The following MRPS21 variants were observed in gnomAD, a reference collection of about 807,000 sequenced individuals.
The protein encoded by MRPS21 is mitochondrial ribosomal protein S21, also known as small ribosomal subunit protein bS21m.
A neutral mutation model predicts 9.9 loss-of-function variants in MRPS21; 8 were observed. The observed-to-expected ratio is 0.81, with a 90% CI of 0.47 to 1.45. MRPS21 has a LOEUF of 1.45. MRPS21 is among the 40% of genes most tolerant of loss of function. The pLI is 0.00. For missense variants in MRPS21, 101 were observed against 118.9 expected (o/e 0.85, Z 0.70); for synonymous variants, 40 against 40.3 (o/e 0.99, Z 0.03).
intron 1 of MRPS21, 174 bp from the exon 2 acceptor site, chr1:150,294,161 T>G: frequency 1.9e-6 from 1 of 515,602 alleles, no homozygotes; most frequent in Non-Finnish European, 3.6e-6. Flanking sequence ...GGACTGGCAG[T>G]GAGAATAAGA....
intron 2 of MRPS21, among the ~76,000 whole-genome samples, chr1:150,300,122 C>T (rs1553857386): frequency 6.6e-6 from 1 of 151,880 alleles, no homozygotes; most frequent in Non-Finnish European, 1.5e-5. Context: ...GGGGGCGGAT[C>T]ATTTGAGGTT....
chr1:150,299,580 G>A lies in MRPS21; in HGVS notation c.83+5131G>A, dbSNP rs587612464. 7.2e-5 allele frequency among the ~76,000 whole-genome samples: 11 copies of A among 152,056 alleles called. No individual in the cohort carries two copies. In the South Asian group the frequency reaches 2.1e-3, roughly 29 times the overall value. The stretch of plus-strand genomic sequence containing the variant: ...AGTGATTCTCCTGCCTCAGCCCCCC[G>A]TGTAGCTGGGATTACAGGCACTTGC... On this transcript the variant is annotated intron_variant, in intron 2 of 2. Transcript: ENST00000614145.
intron 2 of MRPS21, among the ~76,000 whole-genome samples, chr1:150,300,936 C>T (rs1382818058): frequency 6.6e-6 from 1 of 150,616 alleles, no homozygotes; most frequent in African/African-American, 2.4e-5. Flanking sequence ...GGTGGCTCAC[C>T]CCTGTAAGCT....
chr1:150,304,755 C>CAAA (rs143084308), intron 2 of MRPS21: 13,634 of 129,276 alleles, frequency 0.11, 1,020 homozygotes, highest in African/African-American at 0.14. Flanking sequence ...GACTCTGTCT[C>CAAA]AAAAAAAAAA....
At chr1:150,298,267 C>G (rs1020011374) in intron 2 of MRPS21, among the ~76,000 whole-genome samples, 10 of 152,124 alleles carry the variant, frequency 6.6e-5, no homozygotes, top group African/African-American at 2.4e-4. Flanking sequence ...CATCCAGACC[C>G]TGCAGTGAGT....
At chr1:150,296,209 A>G (rs1244036125) in intron 2 of MRPS21, among the ~76,000 whole-genome samples, 1 of 152,102 alleles carries the variant, frequency 6.6e-6, no homozygotes, top group Non-Finnish European at 1.5e-5. Flanking sequence ...TGGCCTCCCA[A>G]AGTGCTGGGA....
chr1:150,303,926 G>C (rs1654229738), intron 2 of MRPS21: 1 of 455,926 alleles, frequency 2.2e-6, no homozygotes, highest in Non-Finnish European at 4.4e-6. Context: ...TATTTTGTTA[G>C]GTGCAAAAGT....
intron 2 of MRPS21, among the ~76,000 whole-genome samples, chr1:150,305,344 T>C (rs1654291945): frequency 6.6e-6 from 1 of 152,090 alleles, no homozygotes; most frequent in Non-Finnish European, 1.5e-5. Context: ...CAGCCAGCAA[T>C]CCCTGTTTTA....
intron 2 of MRPS21, among the ~76,000 whole-genome samples, chr1:150,306,319 C>T (rs934610139): frequency 3.3e-5 from 5 of 151,862 alleles, no homozygotes; most frequent in Admixed American, 2.0e-4. Context: ...AGTCTGTTGC[C>T]CAGGCTGGAG....
Position 150,307,348 on chromosome 1 carries a change from C to CTTTTTTTTTTTTTTTTTTTTTT in MRPS21, c.84-699_84-678dup, listed in dbSNP as rs1572154026. Among the ~76,000 whole-genome samples the CTTTTTTTTTTTTTTTTTTTTTT allele has an allele frequency of 3.4e-5, 3 of 87,552 alleles. 1 individual carries two copies. Among genetic ancestry groups the CTTTTTTTTTTTTTTTTTTTTTT allele is most frequent in the African/African-American group, 8.9e-5 (2 of 22,528 alleles). 57.4% of individuals were successfully genotyped at this position (87,552 alleles called of 152,430 possible). ...CAGGCATGAGTCACTGTGCCCAGTC[C>CTTTTTTTTTTTTTTTTTTTTTT]TTTTTTTTTTTTTTTTTTTTTTCCT... On this transcript the variant is annotated intron_variant, in intron 2 of 2. Transcript: ENST00000614145.
In MRPS21 at chr1:150,308,222, C is replaced by G. The variant is rs782214468; in HGVS notation, c.258C>G (p.Gly86=). The change falls in exon 3 of 3, where the codon GGC becomes GGG. Residue 86 remains glycine, a synonymous_variant. Coordinates refer to ENST00000614145, the MANE Select transcript of MRPS21 (RefSeq NM_031901.6). ...AGAATCGGGCAGATCCGTGGCAGGG[C>G]TGCTGAGGCCTGTGGGTGGGACACC... is the stretch of plus-strand genomic sequence containing the variant. ...MRKNRADPWQ[G]C is the part of the protein sequence containing the mutation. 1.3e-6 allele frequency: 2 copies of G among 1,589,406 alleles called. No homozygotes were observed. The highest frequency in any genetic ancestry group is 4.5e-5 in the East Asian group (2 of 44,128).
intron 2 of MRPS21, chr1:150,301,461 CAT>C (rs1654127911): frequency 5.7e-6 from 1 of 176,706 alleles, no homozygotes. Context: ...TCGCGCCATT[CAT>C]TGCACTCCAG....
At chr1:150,306,724 A>G (rs1294913287) in intron 2 of MRPS21, among the ~76,000 whole-genome samples, 91 of 152,134 alleles carry the variant, frequency 6.0e-4, no homozygotes, top group Non-Finnish European at 8.8e-5. Context: ...CAAACTCCTG[A>G]CCTCAGGTGA....
Position 150,294,322 on chromosome 1 carries a change from C to T in MRPS21, c.-32-13C>T. The T allele has an allele frequency of 1.3e-6, 2 of 1,529,896 alleles. No individual in the cohort carries two copies. Among genetic ancestry groups the T allele is most frequent in the South Asian group, 2.2e-5 (2 of 89,258 alleles). 94.8% of individuals were successfully genotyped at this position (1,529,896 alleles called of 1,614,324 possible). ...CTTTCTGCTTTCCTCGCCCTTTCTCCATCATCCTTTAGGCTCTACAGAGTG... is the reference window on the plus strand; with the variant it reads ...CTTTCTGCTTTCCTCGCCCTTTCTCTATCATCCTTTAGGCTCTACAGAGTG... On this transcript the variant is annotated splice_polypyrimidine_tract_variant and intron_variant, in intron 1 of 2. Transcript: ENST00000614145.
At chr1:150,294,699 G>T (rs1427126577) in intron 2 of MRPS21, among the ~76,000 whole-genome samples, 6 of 152,048 alleles carry the variant, frequency 3.9e-5, no homozygotes, top group Non-Finnish European at 8.8e-5. Context: ...AGGAGTTTCA[G>T]ACCAGCCTGG....
chr1:150,308,283 C>G lies in MRPS21; in HGVS notation c.*55C>G. ...CCCTCATCCAGTTTTCTCTCCATCT[C>G]TTTTCTTTGTACAATCCCATTTCCT... On this transcript the variant is annotated 3_prime_UTR_variant, in exon 3 of 3. Transcript: ENST00000614145. 12 of 1,531,316 alleles carry G rather than the reference C, an allele frequency of 7.8e-6. No homozygotes were observed. The highest frequency in any genetic ancestry group is 1.1e-5 in the Non-Finnish European group (12 of 1,121,984). 94.9% of individuals were successfully genotyped at this position (1,531,316 alleles called of 1,614,324 possible). A position where few individuals can be genotyped will look rare whatever the true frequency, so the allele number is the denominator to read the frequency against.
rs1452118107 is a variant in MRPS21 at position 150,308,638 on chromosome 1, C to G, written c.*410C>G. On this transcript the variant is annotated 3_prime_UTR_variant, in exon 3 of 3. Transcript: ENST00000614145. ...CTTGAGGCCAGGAGTTTGAGACCAG[C>G]TTGGCCAATGTGGTGAAACCCCATC... The G allele has an allele frequency of 2.6e-5, 4 of 153,184 alleles. No homozygotes were observed. Among genetic ancestry groups the G allele is most frequent in the African/African-American group, 9.7e-5 (4 of 41,068 alleles). The allele number at this position is 153,184 out of a possible 1,614,324, so 9.5% of individuals were successfully genotyped here. A position where few individuals can be genotyped will look rare whatever the true frequency, so the allele number is the denominator to read the frequency against.
intron 2 of MRPS21, chr1:150,301,314 G>C (rs1553857655): frequency 3.4e-6 from 1 of 290,086 alleles, no homozygotes. Context: ...CAACCTGGGG[G>C]ACGAGAGCGA....
intron 2 of MRPS21, among the ~76,000 whole-genome samples, chr1:150,298,411 A>G (rs1190258764): frequency 6.6e-6 from 1 of 152,158 alleles, no homozygotes; most frequent in African/African-American, 2.4e-5. Context: ...TCTTCTGGCC[A>G]TGGTTGTTGA....
Sources: gnomAD v4.1 joint callset for allele counts (sites outside exome capture counted in the v4.1 genomes callset) on GRCh38, gnomAD v4.1.1 for gene constraint, MANE v1.5 for transcripts, NCBI Gene and HGNC (gene_info 2026-07-23, HGNC 2026-07-21) for gene names.